The following FBXW7 variants were observed in gnomAD, a reference collection of about 807,000 sequenced individuals.
FBXW7 encodes the protein F-box/WD repeat-containing protein 7.
FBXW7 carries 11 observed loss-of-function variants against 86.3 expected under a neutral mutation model. The ratio of observed to expected loss-of-function variants is 0.13; its 90% CI spans 0.08 to 0.21. The LOEUF is 0.21. FBXW7 is among the 10% of genes least tolerant of loss of function. The pLI, the probability that FBXW7 is intolerant of heterozygous loss-of-function variation, is 1.00. For missense variants in FBXW7, 488 were observed against 847.4 expected (o/e 0.58, Z 5.27); for synonymous variants, 313 against 297.9 (o/e 1.05, Z -0.52).
chr4:152,417,281 A>G (rs1314700824), intron 2 of FBXW7, among the ~76,000 whole-genome samples: 1 of 152,166 alleles, frequency 6.6e-6, no homozygotes, highest in African/African-American at 2.4e-5. Flanking sequence ...GTAAGGCCCA[A>G]ATTTGTTCTT....
At chr4:152,359,125 T>C (rs1225225422) in intron 4 of FBXW7, among the ~76,000 whole-genome samples, 4 of 152,170 alleles carry the variant, frequency 2.6e-5, no homozygotes, top group African/African-American at 9.7e-5. Flanking sequence ...CTGGGAAATC[T>C]GAGGCAAAGG....
chr4:152,352,086 T>C (rs796259463), intron 4 of FBXW7, among the ~76,000 whole-genome samples: 15 of 152,220 alleles, frequency 9.9e-5, no homozygotes, highest in African/African-American at 3.4e-4. Context: ...CATGATTCTA[T>C]ACTTTTAAAG....
At chr4:152,341,815 G>A (rs1192718238) in intron 6 of FBXW7, among the ~76,000 whole-genome samples, 1 of 152,206 alleles carries the variant, frequency 6.6e-6, no homozygotes, top group African/African-American at 2.4e-5. Context: ...GTGTATGTGT[G>A]TGTGTGCGCG....
intron 4 of FBXW7, among the ~76,000 whole-genome samples, chr4:152,369,547 T>C (rs373308494): frequency 6.6e-6 from 1 of 152,076 alleles, no homozygotes; most frequent in South Asian, 2.1e-4. Flanking sequence ...GGGGGAAAAG[T>C]TACTATATTT....
chr4:152,360,919 G>C (rs549151255), intron 4 of FBXW7, among the ~76,000 whole-genome samples: 1 of 150,832 alleles, frequency 6.6e-6, no homozygotes, highest in Non-Finnish European at 1.5e-5. Context: ...CATACTTACT[G>C]CACTTTTTAA....
chr4:152,352,748 C>T (rs1386721150), intron 4 of FBXW7: 1 of 1,611,202 alleles, frequency 6.2e-7, no homozygotes, highest in East Asian at 2.2e-5. Flanking sequence ...TGCAGCTTGA[C>T]TGAGAAGAAC....
intron 2 of FBXW7, among the ~76,000 whole-genome samples, chr4:152,446,187 A>G (rs1328196634): frequency 6.6e-6 from 1 of 152,202 alleles, no homozygotes. Context: ...TGGCAGCACC[A>G]GATTTTAATC....
At chr4:152,337,711 C>T in intron 7 of FBXW7, 91 bp downstream of exon 7, 3 of 1,335,206 alleles carry the variant, frequency 2.2e-6, no homozygotes, top group East Asian at 2.3e-5. Context: ...ATACCGAATA[C>T]CATAATTAGC....
At position 152,488,966 on chromosome 4, in the gene FBXW7, G is replaced by A. The variant is rs116514847; in HGVS notation, c.-120+45975C>T. Reference sequence around the variant, plus strand: ...TATCTGTAAAAATTACTGTAAGGTAGTTTATAATATTAACTACTAAATATA... The same window carrying A: ...TATCTGTAAAAATTACTGTAAGGTAATTTATAATATTAACTACTAAATATA... On this transcript the variant is annotated intron_variant, in intron 2 of 13. Coordinates refer to ENST00000281708, the MANE Select transcript of FBXW7 (RefSeq NM_001349798.2). 5.4e-3 allele frequency among the ~76,000 whole-genome samples: 828 copies of A among 152,124 alleles called. 7 individuals are homozygous for A. Among genetic ancestry groups the A allele is most frequent in the African/African-American group, 0.019 (777 of 41,540 alleles).
chr4:152,360,831 T>C (rs1732871265), intron 4 of FBXW7, among the ~76,000 whole-genome samples: 1 of 147,578 alleles, frequency 6.8e-6, no homozygotes, highest in Non-Finnish European at 1.5e-5. Flanking sequence ...TATTAAAATA[T>C]ATTAAATATA....
At chr4:152,411,238 G>C (rs2126875308) in intron 4 of FBXW7, 65 bp downstream of exon 4, 1 of 1,471,414 alleles carries the variant, frequency 6.8e-7, no homozygotes, top group Non-Finnish European at 9.0e-7. Flanking sequence ...TGTGAGGAAA[G>C]TTTCATTACA....
intron 2 of FBXW7, among the ~76,000 whole-genome samples, chr4:152,528,702 G>T (rs1310579788): frequency 5.9e-5 from 9 of 152,072 alleles, no homozygotes; most frequent in Admixed American, 5.9e-4. Flanking sequence ...AAAATGTCAC[G>T]TACTTTGAGA....
rs141313833 is a variant in FBXW7 at position 152,479,056 on chromosome 4, A to G, written c.-120+55885T>C. ...TCTAATAAACGATAAACAAGGATGT[A>G]GTAGATGTGATTACACAGCTATGAA... On this transcript the variant is annotated intron_variant, in intron 2 of 13. Transcript: ENST00000281708. 2.4e-4 allele frequency among the ~76,000 whole-genome samples: 36 copies of G among 152,272 alleles called. 1 individual carries two copies. In the East Asian group the frequency reaches 5.6e-3, roughly 24 times the overall value.
chr4:152,439,939 T>C (rs1240302632), intron 2 of FBXW7, among the ~76,000 whole-genome samples: 3 of 151,974 alleles, frequency 2.0e-5, no homozygotes, highest in Non-Finnish European at 4.4e-5. Context: ...CTTCCATATG[T>C]GCTGTTATGG....
intron 2 of FBXW7, among the ~76,000 whole-genome samples, chr4:152,469,990 T>C (rs1393454681): frequency 6.6e-6 from 1 of 152,064 alleles, no homozygotes; most frequent in Non-Finnish European, 1.5e-5. Flanking sequence ...TGAGATTCCC[T>C]ATATAATAAA....
intron 2 of FBXW7, among the ~76,000 whole-genome samples, chr4:152,429,192 A>AG (rs1739659682): frequency 6.6e-6 from 1 of 152,122 alleles, no homozygotes; most frequent in South Asian, 2.1e-4. Flanking sequence ...CTCCATCTCA[A>AG]AAAAAAGAGA....
rs184652334 is a variant in FBXW7 at position 152,376,994 on chromosome 4, G to A, written c.502-26870C>T. ...AAAAATTTTAAATTTATAAAGGGAC[G>A]GTGCTACAAAAATTATTTGTAAGTC... On this transcript the variant is annotated intron_variant, in intron 4 of 13. Coordinates refer to ENST00000281708, the MANE Select transcript of FBXW7 (RefSeq NM_001349798.2). 7.8e-4 allele frequency among the ~76,000 whole-genome samples: 119 copies of A among 152,046 alleles called. 1 individual carries two copies. Among genetic ancestry groups the A allele is most frequent in the African/African-American group, 2.6e-3 (107 of 41,488 alleles).
At chr4:152,374,522 T>G (rs1734306390) in intron 4 of FBXW7, among the ~76,000 whole-genome samples, 1 of 152,068 alleles carries the variant, frequency 6.6e-6, no homozygotes, top group Admixed American at 6.6e-5. Context: ...GCACAAAAAT[T>G]CCTTAAGGAT....
At chr4:152,383,844 A>G (rs748450772) in intron 4 of FBXW7, among the ~76,000 whole-genome samples, 20 of 152,158 alleles carry the variant, frequency 1.3e-4, no homozygotes, top group Non-Finnish European at 7.4e-5. Context: ...GTAGTTAAAA[A>G]TGCAAAATCA....
Sources: gnomAD v4.1 joint callset for allele counts (sites outside exome capture counted in the v4.1 genomes callset) on GRCh38, gnomAD v4.1.1 for gene constraint, MANE v1.5 for transcripts, NCBI Gene and HGNC (gene_info 2026-07-23, HGNC 2026-07-21) for gene names.